ELFN1: variants seen among roughly 807,000 people sequenced by gnomAD.
ELFN1 encodes the protein extracellular leucine rich repeat and fibronectin type III domain containing 1, also known as protein ELFN1.
In ELFN1, 6 loss-of-function variants were observed where a neutral mutation model predicts 7.6. That is an observed-to-expected ratio of 0.79 (90% confidence interval 0.43 to 1.56). ELFN1 has a LOEUF of 1.56. Among genes scored for constraint, ELFN1 ranks in the 40% most tolerant of loss-of-function variants. ELFN1 has a pLI of 0.01. For missense variants in ELFN1, 1,169 were observed against 1,232.2 expected (o/e 0.95, Z 0.77); for synonymous variants, 657 against 588.1 (o/e 1.12, Z -1.70).
chr7:1,717,448 G>A (rs544569082), intron 3 of ELFN1, among the ~76,000 whole-genome samples: 2 of 152,352 alleles, frequency 1.3e-5, no homozygotes, highest in African/African-American at 4.8e-5. Flanking sequence ...GAAGGGGCAG[G>A]TGGAGGTAGG....
At chr7:1,744,192 G>A (rs538387079) in intron 3 of ELFN1, 112 bp from the exon 4 acceptor site, 78 of 215,650 alleles carry the variant, frequency 3.6e-4, no homozygotes, top group African/African-American at 9.2e-4. Context: ...GGGGCTCAGC[G>A]GAGCAGGGAC....
At chr7:1,719,691 C>T (rs935873978) in intron 3 of ELFN1, among the ~76,000 whole-genome samples, 1 of 152,220 alleles carries the variant, frequency 6.6e-6, no homozygotes, top group African/African-American at 2.4e-5. Flanking sequence ...ACCAAAGACA[C>T]AACAGGGCCC....
intron 3 of ELFN1, among the ~76,000 whole-genome samples, chr7:1,736,409 G>A (rs920084914): frequency 1.3e-5 from 2 of 152,202 alleles, no homozygotes; most frequent in Non-Finnish European, 2.9e-5. Flanking sequence ...TGATCGAGAC[G>A]AGGAACAATA....
chr7:1,746,957 C>G lies in ELFN1; in HGVS notation c.2361C>G (p.His787Gln). 6.4e-7 allele frequency: 1 copy of G among 1,552,370 alleles called. No homozygotes were observed. The highest frequency in any genetic ancestry group is 8.7e-7 in the Non-Finnish European group (1 of 1,148,462). ...GCTTCAGACTGAGCCGCCGGCGGCA[C>G]AAGGAGGAAGAGGAGTTCATGGCCG... ...WERFRLSRRRHKEEEEFMAAG... is the reference protein window; with the variant it reads ...WERFRLSRRRQKEEEEFMAAG... The change falls in exon 4 of 4, where the codon CAC becomes CAG. Residue 787 changes from histidine to glutamine, a missense_variant. This residue lies in a region of ELFN1 where 914 missense variants were observed against 872.6 expected (regional missense o/e 1.05). Coordinates refer to ENST00000424383, the MANE Select transcript of ELFN1 (RefSeq NM_001128636.4).
intron 1 of ELFN1, among the ~76,000 whole-genome samples, chr7:1,685,485 GTTTA>G (rs1383778929): frequency 1.3e-5 from 2 of 152,064 alleles, no homozygotes; most frequent in Non-Finnish European, 2.9e-5. Flanking sequence ...CAGAGGCACA[GTTTA>G]TTTTTCTGTT....
chr7:1,690,726 C>A (rs10237672), intron 2 of ELFN1, among the ~76,000 whole-genome samples: 1 of 122,348 alleles, frequency 8.2e-6, no homozygotes, highest in Non-Finnish European at 1.8e-5. Flanking sequence ...GATGGATGGG[C>A]GGGTGTGTGA....
At chr7:1,736,781 C>A (rs1341707380) in intron 3 of ELFN1, among the ~76,000 whole-genome samples, 1 of 152,170 alleles carries the variant, frequency 6.6e-6, no homozygotes, top group East Asian at 1.9e-4. Flanking sequence ...AGACCTGGGA[C>A]TCTGGCTCTG....
intron 3 of ELFN1, among the ~76,000 whole-genome samples, chr7:1,728,539 G>A (rs1398422669): frequency 6.6e-6 from 1 of 152,198 alleles, no homozygotes; most frequent in Non-Finnish European, 1.5e-5. Context: ...CCAGCGCTCA[G>A]GGTCCCCTGG....
chr7:1,716,731 C>T lies in ELFN1; in HGVS notation c.-294+7479C>T, dbSNP rs191473675. Among the ~76,000 whole-genome samples the T allele has an allele frequency of 4.7e-4, 71 of 152,350 alleles. No individual in the cohort carries two copies. The East Asian group carries it at 0.012, about 26-fold the overall frequency. On this transcript the variant is annotated intron_variant, in intron 3 of 3. Transcript: ENST00000424383. ...AGCCAGGACTGCAGCCGCACTCCCC[C>T]AGCCTCACCCGGGAAACTGTGATTC... is the stretch of plus-strand genomic sequence containing the variant.
chr7:1,682,814 C>G (rs1416870519), intron 1 of ELFN1, among the ~76,000 whole-genome samples: 1 of 152,166 alleles, frequency 6.6e-6, no homozygotes, highest in South Asian at 2.1e-4. Flanking sequence ...AGCATTCAGT[C>G]TTTCACCATA....
chr7:1,712,718 C>A (rs1328459902), intron 3 of ELFN1, among the ~76,000 whole-genome samples: 1 of 152,226 alleles, frequency 6.6e-6, no homozygotes, highest in Non-Finnish European at 1.5e-5. Flanking sequence ...AGGTGTGAGC[C>A]ACCACACCCA....
chr7:1,733,590 G>A (rs1029993710), intron 3 of ELFN1, among the ~76,000 whole-genome samples: 1 of 152,068 alleles, frequency 6.6e-6, no homozygotes, highest in Non-Finnish European at 1.5e-5. Flanking sequence ...CCCTGCCTGG[G>A]GCGGCCGCAT....
At position 1,673,993 on chromosome 7, in the gene ELFN1, T is replaced by C. The variant is rs1267528183; in HGVS notation, c.-549+3639T>C. ...GAGGGGAGGCAGAGAGGACGACTAC[T>C]CCGCTCCCTGCTCCAGGCCACGGGG... On this transcript the variant is annotated intron_variant, in intron 1 of 3. Coordinates refer to ENST00000424383, the MANE Select transcript of ELFN1 (RefSeq NM_001128636.4). This position sits in a 1 kb window ranked among gnomAD's most constrained non-coding sequence, Gnocchi z 4.7. Among the ~76,000 whole-genome samples, 1 of 152,084 alleles carries C rather than the reference T, an allele frequency of 6.6e-6. No individual in the cohort carries two copies. The highest frequency in any genetic ancestry group is 1.5e-5 in the Non-Finnish European group (1 of 68,016).
upstream of ELFN1, among the ~76,000 whole-genome samples, chr7:1,668,346 G>A (rs1778703165): frequency 6.6e-6 from 1 of 152,270 alleles, no homozygotes; most frequent in South Asian, 2.1e-4. Context: ...ACAGCGCAGG[G>A]CACACGGGGG....
In ELFN1 at chr7:1,745,433, G is replaced by A. The variant is rs753381632; in HGVS notation, c.837G>A (p.Pro279=). Residue 279 remains proline, a synonymous_variant, in exon 4 of 4, where the codon CCG becomes CCA. Transcript: ENST00000424383. ...AGCCGGGCCGCTCCCCGCCGCCCCC[G>A]CCTCCGCCGGAGCCCAGTGACATGC... ...RSQPGRSPPP[P]PPPEPSDMPC... 5.1e-5 allele frequency: 78 copies of A among 1,539,390 alleles called. No individual in the cohort carries two copies. The highest frequency in any genetic ancestry group is 2.7e-4 in the Admixed American group (14 of 50,928).
intron 3 of ELFN1, among the ~76,000 whole-genome samples, chr7:1,719,076 C>G (rs1020082620): frequency 2.6e-5 from 4 of 151,962 alleles, no homozygotes; most frequent in African/African-American, 9.7e-5. Flanking sequence ...GCCTCCATCT[C>G]CACCCCCAGG....
intron 3 of ELFN1, among the ~76,000 whole-genome samples, chr7:1,719,859 C>G (rs1164712890): frequency 6.6e-6 from 1 of 150,618 alleles, no homozygotes. Context: ...CAAACCCTAG[C>G]CCCAGCCACT....
chr7:1,711,771 C>G (rs1276708900), intron 3 of ELFN1, among the ~76,000 whole-genome samples: 2 of 152,182 alleles, frequency 1.3e-5, no homozygotes, highest in Non-Finnish European at 2.9e-5. Context: ...TGACAGTGTC[C>G]CCACCTGAAA....
At chr7:1,680,706 C>T (rs12539909) in intron 1 of ELFN1, among the ~76,000 whole-genome samples, 32,027 of 150,982 alleles carry the variant, frequency 0.21, 4,258 homozygotes, top group Non-Finnish European at 0.29. Context: ...CCCCCAGGCA[C>T]TGATCTGCAC....
Sources: gnomAD v4.1 joint callset for allele counts (sites outside exome capture counted in the v4.1 genomes callset) on GRCh38, gnomAD v4.1.1 for gene constraint, gnomAD v4.1.1 regional missense constraint, Gnocchi (gnomAD v3.1) non-coding constraint, MANE v1.5 for transcripts, NCBI Gene and HGNC (gene_info 2026-07-23, HGNC 2026-07-21) for gene names.